The following HTR3C variants were observed in gnomAD, a reference collection of about 807,000 sequenced individuals.
The protein encoded by HTR3C is 5-HT3-C.
In HTR3C, 32 loss-of-function variants were observed where a neutral mutation model predicts 40.5. That is an observed-to-expected ratio of 0.79 (90% CI 0.60 to 1.06). The LOEUF (loss-of-function observed/expected upper bound fraction) is 1.06, where lower values mean the gene tolerates loss of function less well. Ranked by LOEUF, HTR3C falls within the 50% of genes least tolerant of loss-of-function variation. The probability of loss-of-function intolerance (pLI) is 0.00; values close to 1 mark genes in which losing one functional copy is unlikely to be tolerated. For missense variants in HTR3C, 523 were observed against 556.8 expected, an observed-to-expected ratio of 0.94 and a Z score of 0.61; for synonymous variants, 209 against 217.1, an observed-to-expected ratio of 0.96 and a Z score of 0.33.
chr3:184,060,029 T>C lies in HTR3C; in HGVS notation c.1127T>C (p.Leu376Pro), dbSNP rs963732485. 2.5e-6 allele frequency: 4 copies of C among 1,613,620 alleles called. No homozygotes were observed. Among genetic ancestry groups the C allele is most frequent in the Non-Finnish European group, 3.4e-6 (4 of 1,179,864 alleles). The part of the protein sequence containing the change: ...QKGNKGLGLT[L>P]THLPGPKEPG... ...GGAAATAAGGGCCTGGGTCTCACCC[T>C]CACCCACCTGCCTGGTGAGGGAAGC... The change falls in exon 8 of 9, where the codon CTC becomes CCC. Residue 376 changes from leucine to proline, a missense_variant. Leu to Pro is a moderately conservative substitution (Grantham distance 98, BLOSUM62 -3). Coordinates refer to ENST00000318351, the MANE Select transcript of HTR3C (RefSeq NM_130770.3).
chr3:184,057,616 C>T (rs1163312674), intron 5 of HTR3C, among the ~76,000 whole-genome samples: 1 of 152,048 alleles, frequency 6.6e-6, no homozygotes, highest in Non-Finnish European at 1.5e-5. Flanking sequence ...CGCCTGTAGT[C>T]CCAGCTACTT....
In HTR3C at chr3:184,059,533, C is replaced by T; in HGVS notation, c.818C>T (p.Ala273Val). ...GATGCCCTCAGCTTCTACCTGCCAG[C>T]AGAGAGCGAGAATCGTGCCCCATTC... is the stretch of plus-strand genomic sequence containing the variant. ...AIDALSFYLP[A>V]ESENRAPFKI... Residue 273 changes from alanine to valine, a missense_variant, in exon 7 of 9, where the codon GCA (alanine) becomes GTA (valine). Coordinates refer to ENST00000318351, the MANE Select transcript of HTR3C (RefSeq NM_130770.3). 1.2e-6 allele frequency: 2 copies of T among 1,614,152 alleles called. No individual in the cohort carries two copies. Among genetic ancestry groups the T allele is most frequent in the Non-Finnish European group, 8.5e-7 (1 of 1,180,014 alleles).
rs756305831 is a variant in HTR3C at position 184,056,909 on chromosome 3, G to A, written c.424G>A (p.Ala142Thr). The A allele has an allele frequency of 3.1e-6, 5 of 1,613,020 alleles. No individual in the cohort carries two copies. The East Asian group carries it at 8.9e-5, about 29-fold the overall frequency. Residue 142 changes from alanine (A) to threonine (T), a missense_variant, in exon 5 of 9, where the codon GCC becomes ACC. Physicochemically the swap from Ala to Thr is moderately conservative, Grantham distance 58. Transcript: ENST00000318351. ...DVDQTPSGLT[A>T]YISSEGRIKY... ...GGATCAGACGCCTTCCGGTCTCACT[G>A]CCTATATCAGCAGTGAAGGTCGAAT... is the stretch of plus-strand genomic sequence containing the variant.
chr3:184,055,413 G>T (rs73052475), intron 3 of HTR3C, 57 bp downstream of exon 3: 6 of 1,326,820 alleles, frequency 4.5e-6, no homozygotes, highest in Middle Eastern at 3.6e-4. Context: ...AGCCTGAGGA[G>T]TTAGAAGTGA....
At chr3:184,055,997 A>C (rs1048698645) in intron 3 of HTR3C, among the ~76,000 whole-genome samples, 180 bp from the exon 4 acceptor site, 12 of 150,508 alleles carry the variant, frequency 8.0e-5, no homozygotes, top group African/African-American at 2.7e-4. Context: ...CCAAAAGGCT[A>C]TCAAGGGGTA....
chr3:184,054,976 T>C (rs1013868760), intron 2 of HTR3C, 89 bp downstream of exon 2: 9 of 1,344,186 alleles, frequency 6.7e-6, no homozygotes, highest in African/African-American at 4.5e-5. Flanking sequence ...CCTGGCCCCG[T>C]GGTGAACAAT....
Position 184,060,028 on chromosome 3 carries a change from C to T in HTR3C, c.1126C>T (p.Leu376Phe). 2 of 1,613,624 alleles carry T rather than the reference C, an allele frequency of 1.2e-6. No individual in the cohort carries two copies. The highest frequency in any genetic ancestry group is 1.7e-6 in the Non-Finnish European group (2 of 1,179,894). The change falls in exon 8 of 9, where the codon CTC becomes TTC. Residue 376 changes from leucine to phenylalanine, a missense_variant. Coordinates refer to ENST00000318351, the MANE Select transcript of HTR3C (RefSeq NM_130770.3). ...QKGNKGLGLT[L>F]THLPGPKEPG... ...GGGAAATAAGGGCCTGGGTCTCACC[C>T]TCACCCACCTGCCTGGTGAGGGAAG...
At chr3:184,057,672 T>G (rs1576988532) in intron 5 of HTR3C, among the ~76,000 whole-genome samples, 1 of 151,668 alleles carries the variant, frequency 6.6e-6, no homozygotes, top group Non-Finnish European at 1.5e-5. Flanking sequence ...GAGGTGGAGG[T>G]TGCAGTGAGC....
Position 184,059,532 on chromosome 3 carries a change from G to T in HTR3C, c.817G>T (p.Ala273Ser), listed in dbSNP as rs1310876597. Residue 273 changes from alanine (A) to serine (S), a missense_variant, in exon 7 of 9, where the codon GCA becomes TCA. Coordinates refer to ENST00000318351, the MANE Select transcript of HTR3C (RefSeq NM_130770.3). The stretch of plus-strand genomic sequence containing the variant: ...TGATGCCCTCAGCTTCTACCTGCCA[G>T]CAGAGAGCGAGAATCGTGCCCCATT... ...AIDALSFYLP[A>S]ESENRAPFKI... is the part of the protein sequence containing the mutation. 2 of 1,614,162 alleles carry T rather than the reference G, an allele frequency of 1.2e-6. No individual in the cohort carries two copies. Among genetic ancestry groups the T allele is most frequent in the Non-Finnish European group, 1.7e-6 (2 of 1,180,036 alleles).
chr3:184,058,859 G>C (rs1351974124), intron 6 of HTR3C, among the ~76,000 whole-genome samples: 3 of 152,124 alleles, frequency 2.0e-5, no homozygotes, highest in Non-Finnish European at 4.4e-5. Flanking sequence ...CCAGCTACTC[G>C]GGAGGTTGAG....
rs748837318 is a variant in HTR3C at position 184,058,521 on chromosome 3, G to A, written c.654G>A (p.Leu218=). The A allele has an allele frequency of 3.8e-5, 61 of 1,613,504 alleles. 1 individual carries two copies. Among genetic ancestry groups the A allele is most frequent in the African/African-American group, 1.3e-5 (1 of 74,848 alleles). Residue 218 remains leucine (L), a synonymous_variant, in exon 6 of 9, where the codon TTG becomes TTA. Transcript: ENST00000318351. ...AAACCCAGGGGGAGTGGGAGCTCTT[G>A]GGCATCAACAAGGCCACCCCAAAGA... ...VIQTQGEWEL[L]GINKATPKMS...
At chr3:184,053,857 C>T (rs193158659) in intron 1 of HTR3C, among the ~76,000 whole-genome samples, 1 of 152,160 alleles carries the variant, frequency 6.6e-6, no homozygotes, top group South Asian at 2.1e-4. Context: ...CGGGTTTGAG[C>T]GATTCTCCTG....
In HTR3C at chr3:184,055,035, T is replaced by A. The variant is rs538303405; in HGVS notation, c.234+148T>A. The A allele has an allele frequency of 6.8e-4, 525 of 768,840 alleles. 5 individuals carry two copies. In the African/African-American group the frequency reaches 8.1e-3, roughly 12 times the overall value. The allele number at this position is 768,840 out of a possible 1,614,324, so 47.6% of individuals were successfully genotyped here. A position where few individuals can be genotyped will look rare whatever the true frequency, so the allele number is the denominator to read the frequency against. Reference sequence around the variant, plus strand: ...CAAGTTAGATGCTTTTCCTATGCGATGGAGAGGCACGAAGAAGAATACTGC... The same window carrying A: ...CAAGTTAGATGCTTTTCCTATGCGAAGGAGAGGCACGAAGAAGAATACTGC... On this transcript the variant is annotated intron_variant, in intron 2 of 8. Coordinates refer to ENST00000318351, the MANE Select transcript of HTR3C (RefSeq NM_130770.3).
In HTR3C at chr3:184,053,198, C is replaced by T. The variant is rs774119331; in HGVS notation, c.67+51C>T. On this transcript the variant is annotated intron_variant, in intron 1 of 8. Coordinates refer to ENST00000318351, the MANE Select transcript of HTR3C (RefSeq NM_130770.3). ...ACCAGAGTGTGGTTCCGAGGGACAC[C>T]TGGACTCACCTCTAGCACTTGGAGG... 5.4e-6 allele frequency: 7 copies of T among 1,304,060 alleles called. No individual in the cohort carries two copies. In the Admixed American group the frequency reaches 1.0e-4, roughly 19 times the overall value. 80.8% of individuals were successfully genotyped at this position (1,304,060 alleles called of 1,614,324 possible).
At position 184,060,596 on chromosome 3, in the gene HTR3C, T is replaced by C. The variant is rs562344339; in HGVS notation, c.*244T>C. 1.9e-3 allele frequency: 1,059 copies of C among 566,032 alleles called. 1 individual carries two copies. Among genetic ancestry groups the C allele is most frequent in the Non-Finnish European group, 2.7e-3 (848 of 316,334 alleles). 35.1% of individuals were successfully genotyped at this position (566,032 alleles called of 1,614,324 possible). On this transcript the variant is annotated 3_prime_UTR_variant, in exon 9 of 9. Transcript: ENST00000318351. Reference sequence around the variant, plus strand: ...TCTCCCTGAGCTACCACCTAACTCCTCACTCCCTGATCAATGGAAGTCCAG... The same window carrying C: ...TCTCCCTGAGCTACCACCTAACTCCCCACTCCCTGATCAATGGAAGTCCAG...
chr3:184,057,657 C>G (rs937398643), intron 5 of HTR3C, among the ~76,000 whole-genome samples: 2 of 152,190 alleles, frequency 1.3e-5, no homozygotes, highest in Non-Finnish European at 2.9e-5. Flanking sequence ...TGGCGTGAAA[C>G]TCGGGAGGTG....
chr3:184,056,436 G>A (rs1027494373), intron 4 of HTR3C, 150 bp downstream of exon 4: 16 of 632,198 alleles, frequency 2.5e-5, no homozygotes, highest in East Asian at 1.1e-4. Context: ...TAGAAGAGGC[G>A]AGAGAGTGAC....
rs879019544 is a variant in HTR3C, at chr3:184,059,370, G to A, written c.721-66G>A. 80 of 1,412,312 alleles carry A rather than the reference G, an allele frequency of 5.7e-5. 1 individual carries two copies. In the South Asian group the frequency reaches 8.7e-4, roughly 15 times the overall value. The allele number at this position is 1,412,312 out of a possible 1,614,324, so 87.5% of individuals were successfully genotyped here. A position where few individuals can be genotyped will look rare whatever the true frequency, so the allele number is the denominator to read the frequency against. On this transcript the variant is annotated intron_variant, in intron 6 of 8. Transcript: ENST00000318351. ...TCACAGCACATTGGCAAAGATTAGG[G>A]GTCAGATATACAAATTGAGCCCTCT...
In HTR3C at chr3:184,054,680, G is replaced by T; in HGVS notation, c.68-41G>T. On this transcript the variant is annotated intron_variant, in intron 1 of 8. Transcript: ENST00000318351. Reference sequence around the variant, plus strand: ...TCTCTGCAGAGAGACTCCAGCCCTGGAAATAGAGTCCCTCTCTCACGGAGT... The same window carrying T: ...TCTCTGCAGAGAGACTCCAGCCCTGTAAATAGAGTCCCTCTCTCACGGAGT... 7 of 1,493,690 alleles carry T rather than the reference G, an allele frequency of 4.7e-6. No individual in the cohort carries two copies. The South Asian group carries it at 9.5e-5, about 20-fold the overall frequency. The allele number at this position is 1,493,690 out of a possible 1,614,324, so 92.5% of individuals were successfully genotyped here. A position where few individuals can be genotyped will look rare whatever the true frequency, so the allele number is the denominator to read the frequency against.
Sources: gnomAD v4.1 joint callset for allele counts (sites outside exome capture counted in the v4.1 genomes callset) on GRCh38, gnomAD v4.1.1 for gene constraint, MANE v1.5 for transcripts, NCBI Gene and HGNC (gene_info 2026-07-23, HGNC 2026-07-21) for gene names.